HPCAL1: variants seen among roughly 807,000 people sequenced by gnomAD.
The protein encoded by HPCAL1 is hippocalcin-like protein 1.
Under a neutral mutation model 17.1 loss-of-function variants are expected in HPCAL1, and 8 were observed. That is an observed-to-expected ratio of 0.47 (90% CI 0.27 to 0.84). The LOEUF is 0.84. Among genes scored for constraint, HPCAL1 ranks in the 40% least tolerant of loss-of-function variants. The pLI, the probability that HPCAL1 is intolerant of heterozygous loss-of-function variation, is 0.13. For missense variants in HPCAL1, 165 were observed against 271.1 expected, an observed-to-expected ratio of 0.61 and a Z score of 2.75; for synonymous variants, 112 against 111.4, an observed-to-expected ratio of 1.01 and a Z score of -0.03.
In HPCAL1 at chr2:10,330,397, C is replaced by T. The variant is rs534318278; in HGVS notation, c.-111+27220C>T. On this transcript the variant is annotated intron_variant, in intron 1 of 4. Coordinates refer to ENST00000307845, the MANE Select transcript of HPCAL1 (RefSeq NM_002149.4). This position sits in a 1 kb window ranked among gnomAD's most constrained non-coding sequence, Gnocchi z 4.2. ...TGCCCCTCCCCACCAAGCCCTGAGT[C>T]GTCTAACCTTCCCGGTGTATTAGTC... Among the ~76,000 whole-genome samples the T allele has an allele frequency of 5.9e-5, 9 of 152,306 alleles. No individual in the cohort carries two copies. The South Asian group carries it at 1.7e-3, about 28-fold the overall frequency.
Position 10,422,970 on chromosome 2 carries a change from C to G in HPCAL1, c.379-13C>G, listed in dbSNP as rs1339006508. 1.3e-6 allele frequency: 2 copies of G among 1,592,014 alleles called. No homozygotes were observed. Among genetic ancestry groups the G allele is most frequent in the Admixed American group, 1.7e-5 (1 of 59,908 alleles). On this transcript the variant is annotated splice_polypyrimidine_tract_variant and intron_variant, in intron 3 of 4. Coordinates refer to ENST00000307845, the MANE Select transcript of HPCAL1 (RefSeq NM_002149.4). ...CGGGCCTCTGAGCACAGTGTCATTG[C>G]CCCCATCCGCAGGCCATCTACAAGA...
chr2:10,380,325 C>T (rs1346356739), intron 1 of HPCAL1, among the ~76,000 whole-genome samples: 1 of 152,148 alleles, frequency 6.6e-6, no homozygotes, highest in African/African-American at 2.4e-5. Flanking sequence ...TTAGTGGGCA[C>T]ACCAGGGCCC....
intron 1 of HPCAL1, among the ~76,000 whole-genome samples, chr2:10,379,987 T>C (rs1236100083): frequency 1.3e-5 from 2 of 152,210 alleles, no homozygotes; most frequent in Non-Finnish European, 2.9e-5. Flanking sequence ...GCATGCCCTC[T>C]TGTTAGGGAA....
In HPCAL1 at chr2:10,424,522, C is replaced by G. The variant is rs963212648; in HGVS notation, c.484+1434C>G. Reference sequence around the variant, plus strand: ...ATAATGGCTGTTGTTCCCAACTTCACAGTGTCCCTGGGGAAGCCACCCATG... The same window carrying G: ...ATAATGGCTGTTGTTCCCAACTTCAGAGTGTCCCTGGGGAAGCCACCCATG... On this transcript the variant is annotated intron_variant, in intron 4 of 4. Coordinates refer to ENST00000307845, the MANE Select transcript of HPCAL1 (RefSeq NM_002149.4). 3.6e-5 allele frequency: 17 copies of G among 470,942 alleles called. 1 individual carries two copies. The East Asian group carries it at 6.2e-4, about 17-fold the overall frequency. The allele number at this position is 470,942 out of a possible 1,614,324, so 29.2% of individuals were successfully genotyped here. A position where few individuals can be genotyped will look rare whatever the true frequency, so the allele number is the denominator to read the frequency against.
At chr2:10,391,563 A>C (rs1336479916) in intron 1 of HPCAL1, among the ~76,000 whole-genome samples, 3 of 152,194 alleles carry the variant, frequency 2.0e-5, no homozygotes, top group Non-Finnish European at 4.4e-5. Flanking sequence ...TCAATTTTAG[A>C]GTGCTTTCAT....
At chr2:10,326,933 G>A (rs1487463403) in intron 1 of HPCAL1, among the ~76,000 whole-genome samples, 5 of 152,132 alleles carry the variant, frequency 3.3e-5, no homozygotes, top group Non-Finnish European at 5.9e-5. Flanking sequence ...CACATGCCCC[G>A]GCTCTTTGTC....
At position 10,416,853 on chromosome 2, in the gene HPCAL1, G is replaced by C. The variant is rs189847525; in HGVS notation, c.-24-2881G>C. Among the ~76,000 whole-genome samples, 81 of 152,252 alleles carry C rather than the reference G, an allele frequency of 5.3e-4. 1 individual carries two copies. The highest frequency in any genetic ancestry group is 1.8e-3 in the African/African-American group (76 of 41,544). ...GCGTCATCCCCAAGCCCCAGGGTGGGTCATATTTCTGGATGATGGAGGCAG... is the reference window on the plus strand; with the variant it reads ...GCGTCATCCCCAAGCCCCAGGGTGGCTCATATTTCTGGATGATGGAGGCAG... On this transcript the variant is annotated intron_variant, in intron 2 of 4. Transcript: ENST00000307845.
rs367581731 is a variant in HPCAL1 at position 10,363,519 on chromosome 2, C to T, written c.-110-33316C>T. On this transcript the variant is annotated intron_variant, in intron 1 of 4. Transcript: ENST00000307845. The surrounding 1 kb of genome is among the most constrained non-coding windows in gnomAD (Gnocchi z 4.7). ...TCCTGCCTATACCCTCTACACGTGG[C>T]GTTTCAGGTCTGGAGAGTCATGTGG... 1.4e-4 allele frequency among the ~76,000 whole-genome samples: 22 copies of T among 152,272 alleles called. No individual in the cohort carries two copies. The highest frequency in any genetic ancestry group is 4.6e-4 in the African/African-American group (19 of 41,550).
intron 1 of HPCAL1, among the ~76,000 whole-genome samples, chr2:10,385,959 G>C (rs1057441227): frequency 1.3e-5 from 2 of 152,180 alleles, no homozygotes; most frequent in African/African-American, 4.8e-5. Context: ...TGTTTGGGAA[G>C]CCTCTGGCCA....
At chr2:10,327,623 T>G (rs1253035554) in intron 1 of HPCAL1, among the ~76,000 whole-genome samples, 1 of 152,232 alleles carries the variant, frequency 6.6e-6, no homozygotes, top group East Asian at 1.9e-4. Flanking sequence ...TCCTTTATTT[T>G]GTTAACATGG....
At chr2:10,372,535 A>T (rs999667536) in intron 1 of HPCAL1, among the ~76,000 whole-genome samples, 1 of 152,082 alleles carries the variant, frequency 6.6e-6, no homozygotes, top group African/African-American at 2.4e-5. Context: ...AGGCGAGCGT[A>T]TGGCTGTGAC....
chr2:10,404,159 C>G (rs1271939867), intron 2 of HPCAL1, among the ~76,000 whole-genome samples: 1 of 152,080 alleles, frequency 6.6e-6, no homozygotes, highest in Non-Finnish European at 1.5e-5. Context: ...GTGGTCTCCC[C>G]AAAAGTTTGG....
At chr2:10,350,683 T>C (rs549101704) in intron 1 of HPCAL1, among the ~76,000 whole-genome samples, 1 of 152,320 alleles carries the variant, frequency 6.6e-6, no homozygotes, top group African/African-American at 2.4e-5. Context: ...TATTTGCGAA[T>C]TGTATAGATT....
At chr2:10,353,837 C>T (rs1011123515) in intron 1 of HPCAL1, among the ~76,000 whole-genome samples, 4 of 152,192 alleles carry the variant, frequency 2.6e-5, no homozygotes, top group African/African-American at 7.2e-5. Context: ...TCTGGGATTA[C>T]AGGCGTGAGC....
intron 1 of HPCAL1, among the ~76,000 whole-genome samples, chr2:10,371,054 T>C (rs1040142965): frequency 2.0e-5 from 3 of 152,116 alleles, no homozygotes; most frequent in Non-Finnish European, 4.4e-5. Flanking sequence ...CAGGGTCCAG[T>C]GACCTGGCAT....
intron 1 of HPCAL1, among the ~76,000 whole-genome samples, chr2:10,381,219 A>G (rs1157003745): frequency 6.6e-6 from 1 of 152,212 alleles, no homozygotes; most frequent in Non-Finnish European, 1.5e-5. Flanking sequence ...ATAGGCCCTT[A>G]GTCTAAGCAA....
rs527494966 is a variant in HPCAL1, at chr2:10,359,011, GCCCGTCTGCATGCTCCCCTTGAGGTTTGA to G, written c.-110-37804_-110-37776del. On this transcript the variant is annotated intron_variant, in intron 1 of 4. Coordinates refer to ENST00000307845, the MANE Select transcript of HPCAL1 (RefSeq NM_002149.4). This position sits in a 1 kb window ranked among gnomAD's most constrained non-coding sequence, Gnocchi z 4.1. ...CCATGGGGTTGGAGCCCCACAGCCT[GCCCGTCTGCATGCTCCCCTTGAGGTTTGA>G]CCCGTCTGCATGCTCCCCTCGAGGT... Among the ~76,000 whole-genome samples, 2,505 of 148,530 alleles carry G rather than the reference GCCCGTCTGCATGCTCCCCTTGAGGTTTGA, an allele frequency of 0.017. 81 individuals are homozygous for G. Among genetic ancestry groups the G allele is most frequent in the African/African-American group, 0.056 (2,187 of 39,098 alleles).
chr2:10,413,366 C>T (rs1050584459), intron 2 of HPCAL1, among the ~76,000 whole-genome samples: 1 of 152,266 alleles, frequency 6.6e-6, no homozygotes, highest in Admixed American at 6.5e-5. Context: ...CTGGAGTTAG[C>T]CAAACCTTAA....
chr2:10,384,264 A>G lies in HPCAL1; in HGVS notation c.-110-12571A>G, dbSNP rs1296012258. Among the ~76,000 whole-genome samples the G allele has an allele frequency of 6.6e-6, 1 of 152,094 alleles. No individual in the cohort carries two copies. Among genetic ancestry groups the G allele is most frequent in the Non-Finnish European group, 1.5e-5 (1 of 68,006 alleles). ...ATCAGATGAGCTGCTTCCCCTCACT[A>G]GGAGTGGATGGGGCTGCCAGTGGTG... On this transcript the variant is annotated intron_variant, in intron 1 of 4. Coordinates refer to ENST00000307845, the MANE Select transcript of HPCAL1 (RefSeq NM_002149.4). This position sits in a 1 kb window ranked among gnomAD's most constrained non-coding sequence, Gnocchi z 4.4.
Sources: allele counts gnomAD v4.1 joint callset (sites outside exome capture counted in the v4.1 genomes callset), GRCh38; gene constraint gnomAD v4.1.1; non-coding constraint Gnocchi (gnomAD v3.1); transcripts MANE v1.5; gene names NCBI Gene and HGNC (gene_info 2026-07-23, HGNC 2026-07-21).